Variants in CNBD1 observed in about 807,000 individuals in gnomAD.
CNBD1 encodes the protein cyclic nucleotide-binding domain-containing protein 1.
In CNBD1, 71 loss-of-function variants were observed where a neutral mutation model predicts 54.4. That is an observed-to-expected ratio of 1.30 (90% confidence interval 1.08 to 1.59). The LOEUF (loss-of-function observed/expected upper bound fraction) is 1.59. Among genes scored for constraint, CNBD1 ranks in the 40% most tolerant of loss-of-function variants. The probability of loss-of-function intolerance (pLI) is 0.00; values close to 1 mark genes in which losing one functional copy is unlikely to be tolerated. For missense variants in CNBD1, 659 were observed against 518.0 expected (o/e 1.27, Z -2.64); for synonymous variants, 182 against 170.7 (o/e 1.07, Z -0.51).
intron 8 of CNBD1, among the ~76,000 whole-genome samples, chr8:87,335,613 G>A (rs981562372): frequency 7.2e-5 from 11 of 151,990 alleles, no homozygotes; most frequent in African/African-American, 2.4e-4. Context: ...CACGTAAGAG[G>A]GGTCTCTTGA....
chr8:87,292,480 T>A (rs935095564), intron 8 of CNBD1, among the ~76,000 whole-genome samples: 7 of 152,170 alleles, frequency 4.6e-5, no homozygotes, highest in Admixed American at 2.6e-4. Context: ...CTACATGGGG[T>A]GTGAGAAATG....
chr8:86,878,080 CTGTGTGTG>C (rs145093111), intron 1 of CNBD1, among the ~76,000 whole-genome samples: 2 of 135,876 alleles, frequency 1.5e-5, no homozygotes, highest in Non-Finnish European at 3.2e-5. Flanking sequence ...TTCATCAAAG[CTGTGTGTG>C]TGTGTGTGTG....
chr8:87,158,885 G>T (rs1328830311), intron 4 of CNBD1, among the ~76,000 whole-genome samples: 1 of 152,110 alleles, frequency 6.6e-6, no homozygotes, highest in Non-Finnish European at 1.5e-5. Context: ...GTTAATGCAA[G>T]CGACATCATG....
chr8:86,951,205 T>C (rs1807609759), intron 4 of CNBD1, among the ~76,000 whole-genome samples: 1 of 152,186 alleles, frequency 6.6e-6, no homozygotes, highest in South Asian at 2.1e-4. Context: ...TTATTTACAA[T>C]GATTTTCTTA....
chr8:87,015,977 CAAAAAAAAAAAAA>C lies in CNBD1; in HGVS notation c.431+76236_431+76248del, dbSNP rs58453987. ...CCTGGGAAATAGTGAGAATCCGTCTCAAAAAAAAAAAAAAAAAAAAAAAAAGCCTTTTATTCTG... is the reference window on the plus strand; with the variant it reads ...CCTGGGAAATAGTGAGAATCCGTCTCAAAAAAAAAAAAGCCTTTTATTCTG... On this transcript the variant is annotated intron_variant, in intron 4 of 10. Coordinates refer to ENST00000518476, the MANE Select transcript of CNBD1 (RefSeq NM_173538.3). Among the ~76,000 whole-genome samples the C allele has an allele frequency of 3.2e-3, 179 of 55,970 alleles. 1 individual carries two copies. Among genetic ancestry groups the C allele is most frequent in the South Asian group, 0.023 (29 of 1,270 alleles). 36.7% of individuals were successfully genotyped at this position (55,970 alleles called of 152,430 possible). A position where few individuals can be genotyped will look rare whatever the true frequency, so the allele number is the denominator to read the frequency against.
chr8:86,899,651 G>C (rs1808902979), intron 2 of CNBD1, among the ~76,000 whole-genome samples: 1 of 152,106 alleles, frequency 6.6e-6, no homozygotes, highest in Middle Eastern at 3.4e-3. Context: ...TAGGCTTAGG[G>C]ATATAAATCT....
chr8:87,282,549 T>C (rs1808619222), intron 6 of CNBD1, among the ~76,000 whole-genome samples: 1 of 151,764 alleles, frequency 6.6e-6, no homozygotes, highest in South Asian at 2.1e-4. Context: ...ATAACCATAT[T>C]TACAGAACAA....
At position 87,197,011 on chromosome 8, in the gene CNBD1, A is replaced by C. The variant is rs1405057298; in HGVS notation, c.432-8982A>C. ...TGGAATTGGGTCTAGAAATAGATAGAAAGGTGAATTAATGAAAATATAAAG... is the reference window on the plus strand; with the variant it reads ...TGGAATTGGGTCTAGAAATAGATAGCAAGGTGAATTAATGAAAATATAAAG... On this transcript the variant is annotated intron_variant, in intron 4 of 10. Transcript: ENST00000518476. Among the ~76,000 whole-genome samples the C allele has an allele frequency of 2.6e-5, 4 of 152,330 alleles. No homozygotes were observed. The East Asian group carries it at 7.7e-4, about 29-fold the overall frequency.
At chr8:87,230,130 G>A (rs941333402) in intron 5 of CNBD1, among the ~76,000 whole-genome samples, 3 of 152,064 alleles carry the variant, frequency 2.0e-5, no homozygotes, top group African/African-American at 7.2e-5. Flanking sequence ...GAGAGAAGAG[G>A]GAGGTGCCAC....
intron 4 of CNBD1, among the ~76,000 whole-genome samples, chr8:86,986,817 G>A (rs1298478659): frequency 6.6e-6 from 1 of 151,774 alleles, no homozygotes; most frequent in Non-Finnish European, 1.5e-5. Flanking sequence ...AGATCACCTG[G>A]TTGTAGATGT....
At chr8:87,005,133 C>T (rs1416851690) in intron 4 of CNBD1, among the ~76,000 whole-genome samples, 3 of 151,722 alleles carry the variant, frequency 2.0e-5, no homozygotes, top group African/African-American at 7.3e-5. Context: ...CTTGTAATCC[C>T]AGCACTTTGG....
intron 4 of CNBD1, among the ~76,000 whole-genome samples, chr8:87,010,187 T>C (rs1809185605): frequency 6.6e-6 from 1 of 152,166 alleles, no homozygotes; most frequent in African/African-American, 2.4e-5. Context: ...AGACATAGGC[T>C]TCTCAAATAT....
intron 3 of CNBD1, among the ~76,000 whole-genome samples, chr8:86,906,381 C>T: frequency 6.6e-6 from 1 of 152,076 alleles, no homozygotes; most frequent in East Asian, 1.9e-4. Flanking sequence ...TCTGCCTTTT[C>T]AAGAACAATT....
In CNBD1 at chr8:86,936,302, ATCAT is replaced by A. The variant is rs536917655; in HGVS notation, c.273-3290_273-3287del. Among the ~76,000 whole-genome samples, 11 of 152,350 alleles carry A rather than the reference ATCAT, an allele frequency of 7.2e-5. No homozygotes were observed. The South Asian group carries it at 1.9e-3, about 26-fold the overall frequency. On this transcript the variant is annotated intron_variant, in intron 3 of 10. Coordinates refer to ENST00000518476, the MANE Select transcript of CNBD1 (RefSeq NM_173538.3). ...AAAATTTTTCTATGCAACCACAGTG[ATCAT>A]TCAAATTATAAAATTAAAAACTCCT...
chr8:87,086,499 T>C (rs1180680545), intron 4 of CNBD1, among the ~76,000 whole-genome samples: 1 of 152,150 alleles, frequency 6.6e-6, no homozygotes, highest in Non-Finnish European at 1.5e-5. Flanking sequence ...AAAAAGAAAG[T>C]ATATTGGCAA....
At chr8:86,918,483 C>T (rs1207399081) in intron 3 of CNBD1, among the ~76,000 whole-genome samples, 4 of 152,030 alleles carry the variant, frequency 2.6e-5, no homozygotes, top group Admixed American at 6.6e-5. Flanking sequence ...CCACAATTCC[C>T]ATGTGTTGTG....
At chr8:87,338,342 A>G (rs539058764) in intron 8 of CNBD1, among the ~76,000 whole-genome samples, 2 of 152,116 alleles carry the variant, frequency 1.3e-5, no homozygotes, top group Non-Finnish European at 2.9e-5. Flanking sequence ...ATTTCTTTTA[A>G]TATTTCTTGC....
In CNBD1 at chr8:87,387,973, A is replaced by C. The variant is rs146140275; in HGVS notation, c.213+34187A>C. 2.0e-5 allele frequency among the ~76,000 whole-genome samples: 3 copies of C among 151,984 alleles called. No individual in the cohort carries two copies. The East Asian group carries it at 5.8e-4, about 29-fold the overall frequency. ...AACTGACTCAAAACCGCTCAACTAC[A>C]TGGAAACTGAACAACCTGCTCCTGA... On this transcript the variant is annotated intron_variant, in intron 2 of 7. Transcript: ENST00000521593.
At chr8:87,324,284 C>T (rs1244974448) in intron 8 of CNBD1, among the ~76,000 whole-genome samples, 5 of 127,986 alleles carry the variant, frequency 3.9e-5, no homozygotes, top group Non-Finnish European at 7.0e-5. Flanking sequence ...TGTGTCTCTG[C>T]CCGGCTTTGG....
Sources: gnomAD v4.1 joint callset for allele counts (sites outside exome capture counted in the v4.1 genomes callset) on GRCh38, gnomAD v4.1.1 for gene constraint, MANE v1.5 for transcripts, NCBI Gene and HGNC (gene_info 2026-07-23, HGNC 2026-07-21) for gene names.